PPM1E: variants seen among roughly 807,000 people sequenced by gnomAD.
The protein encoded by PPM1E is protein phosphatase 1E.
PPM1E carries 20 observed loss-of-function variants against 65.9 expected under a neutral mutation model. That is an observed-to-expected ratio of 0.30 (90% CI 0.21 to 0.44). PPM1E has a LOEUF of 0.44. Ranked by LOEUF, PPM1E falls within the 20% of genes least tolerant of loss-of-function variation. The pLI is 1.00. For synonymous variants in PPM1E, 352 were observed against 374.9 expected, an observed-to-expected ratio of 0.94 and a Z score of 0.70; for missense variants, 713 against 953.1, an observed-to-expected ratio of 0.75 and a Z score of 3.32.
intron 1 of PPM1E, among the ~76,000 whole-genome samples, chr17:58,872,272 G>A (rs2051079745): frequency 6.6e-6 from 1 of 152,196 alleles, no homozygotes; most frequent in African/African-American, 2.4e-5. Flanking sequence ...ACTCCAGCCT[G>A]GGCCATAAAG....
chr17:58,839,082 G>A (rs1372326443), intron 1 of PPM1E, among the ~76,000 whole-genome samples: 4 of 152,198 alleles, frequency 2.6e-5, no homozygotes, highest in South Asian at 2.1e-4. Flanking sequence ...TATTCTGTAC[G>A]CACTGTAATG....
chr17:58,978,157 A>T (rs2143800304), intron 6 of PPM1E, among the ~76,000 whole-genome samples: 1 of 152,296 alleles, frequency 6.6e-6, no homozygotes, highest in Non-Finnish European at 1.5e-5. Flanking sequence ...GTTTTAGTGC[A>T]ATGGAAAGGA....
At chr17:58,811,832 A>C (rs1244434625) in intron 1 of PPM1E, among the ~76,000 whole-genome samples, 3 of 151,956 alleles carry the variant, frequency 2.0e-5, no homozygotes, top group African/African-American at 7.2e-5. Flanking sequence ...CACCATGCCC[A>C]GATAATTTTT....
chr17:58,977,065 C>G (rs1292523602), intron 6 of PPM1E, among the ~76,000 whole-genome samples: 1 of 151,976 alleles, frequency 6.6e-6, no homozygotes, highest in Non-Finnish European at 1.5e-5. Flanking sequence ...TGAGCTCTAA[C>G]AGGCTATGGA....
chr17:58,905,418 C>T (rs539381892), intron 1 of PPM1E, among the ~76,000 whole-genome samples: 32 of 152,054 alleles, frequency 2.1e-4, no homozygotes, highest in African/African-American at 6.7e-4. Flanking sequence ...ATCATTAATG[C>T]GTGTTGAATT....
chr17:58,821,019 T>A (rs1220433224), intron 1 of PPM1E, among the ~76,000 whole-genome samples: 1 of 152,080 alleles, frequency 6.6e-6, no homozygotes, highest in Admixed American at 6.6e-5. Flanking sequence ...AAAGTATAAG[T>A]GATAAGTTGT....
chr17:58,881,652 T>G (rs1452848548), intron 1 of PPM1E, among the ~76,000 whole-genome samples: 2 of 151,038 alleles, frequency 1.3e-5, no homozygotes, highest in Non-Finnish European at 3.0e-5. Context: ...CAGAGTGAGA[T>G]TCCATCTCAA....
At chr17:58,835,104 A>G (rs1168399804) in intron 1 of PPM1E, among the ~76,000 whole-genome samples, 1 of 152,074 alleles carries the variant, frequency 6.6e-6, no homozygotes, top group African/African-American at 2.4e-5. Context: ...ACTTTGAGAG[A>G]CTGAGGTGGG....
chr17:58,957,732 T>G (rs1201717478), intron 2 of PPM1E, among the ~76,000 whole-genome samples: 1 of 152,244 alleles, frequency 6.6e-6, no homozygotes, highest in Non-Finnish European at 1.5e-5. Flanking sequence ...AAAAAAATCC[T>G]TAAATTTCTT....
At chr17:58,964,889 C>CA (rs1357198858) in intron 2 of PPM1E, among the ~76,000 whole-genome samples, 3 of 151,712 alleles carry the variant, frequency 2.0e-5, no homozygotes, top group East Asian at 1.9e-4. Flanking sequence ...ACTAAAAATA[C>CA]AAAAAATTAG....
At chr17:58,827,887 G>A (rs550275822) in intron 1 of PPM1E, among the ~76,000 whole-genome samples, 113 of 135,628 alleles carry the variant, frequency 8.3e-4, no homozygotes, top group Non-Finnish European at 6.4e-4. Context: ...GGGCGACAGA[G>A]CGAGACTCCA....
At chr17:58,919,717 G>A (rs990718675) in intron 1 of PPM1E, among the ~76,000 whole-genome samples, 1 of 150,724 alleles carries the variant, frequency 6.6e-6, no homozygotes, top group Non-Finnish European at 1.5e-5. Flanking sequence ...AACCAGGGAG[G>A]GGGAGGTTGC....
At chr17:58,835,002 C>T (rs1034661466) in intron 1 of PPM1E, among the ~76,000 whole-genome samples, 8 of 152,000 alleles carry the variant, frequency 5.3e-5, no homozygotes, top group East Asian at 1.9e-4. Context: ...CTAAAGCCTC[C>T]GAATCCATGA....
At chr17:58,942,875 A>G (rs894047015) in intron 1 of PPM1E, among the ~76,000 whole-genome samples, 15 of 151,994 alleles carry the variant, frequency 9.9e-5, no homozygotes, top group African/African-American at 3.6e-4. Context: ...AAGATACTCA[A>G]TTCTGCCTGA....
At chr17:58,956,152 T>C (rs2029874205) in intron 2 of PPM1E, among the ~76,000 whole-genome samples, 1 of 152,068 alleles carries the variant, frequency 6.6e-6, no homozygotes, top group African/African-American at 2.4e-5. Context: ...AAAATCCAAG[T>C]TAGGCCAGGC....
chr17:58,970,355 T>A (rs561746500), intron 4 of PPM1E, among the ~76,000 whole-genome samples: 6 of 152,298 alleles, frequency 3.9e-5, no homozygotes, highest in Middle Eastern at 3.4e-3. Context: ...AGTAAAAAAA[T>A]TAATCTAATT....
At chr17:58,814,289 C>T (rs2050395565) in intron 1 of PPM1E, among the ~76,000 whole-genome samples, 1 of 152,084 alleles carries the variant, frequency 6.6e-6, no homozygotes, top group Non-Finnish European at 1.5e-5. Flanking sequence ...ATTGCCAAGA[C>T]ACCAATTTTA....
chr17:58,760,214 C>T (rs1284187878), intron 1 of PPM1E, among the ~76,000 whole-genome samples: 1 of 152,172 alleles, frequency 6.6e-6, no homozygotes, highest in Non-Finnish European at 1.5e-5. Context: ...CAATCTGTCA[C>T]ATGACTTCAG....
At chr17:58,863,844 C>T (rs2050970359) in intron 1 of PPM1E, among the ~76,000 whole-genome samples, 1 of 152,254 alleles carries the variant, frequency 6.6e-6, no homozygotes, top group Non-Finnish European at 1.5e-5. Flanking sequence ...CTCTGATGTT[C>T]AGCTACTTCT....
Sources: allele counts gnomAD v4.1 joint callset (sites outside exome capture counted in the v4.1 genomes callset), GRCh38; gene constraint gnomAD v4.1.1; transcripts MANE v1.5; gene names NCBI Gene and HGNC (gene_info 2026-07-23, HGNC 2026-07-21).